KMT2A: variants seen among roughly 807,000 people sequenced by gnomAD.
KMT2A encodes the protein histone-lysine N-methyltransferase 2A.
A neutral mutation model predicts 345.3 loss-of-function variants in KMT2A; 16 were observed. The observed-to-expected ratio is 0.05, with a 90% confidence interval of 0.03 to 0.07. The LOEUF is 0.07. KMT2A is among the 10% of genes least tolerant of loss of function. The pLI is 1.00. For synonymous variants in KMT2A, 1,599 were observed against 1,778.6 expected, an observed-to-expected ratio of 0.90 and a Z score of 2.54; for missense variants, 3,272 against 4,841.6, an observed-to-expected ratio of 0.68 and a Z score of 9.62.
chr11:118,474,686 AACCAGGG>A (rs2134275079), intron 3 of KMT2A, among the ~76,000 whole-genome samples: 1 of 152,310 alleles, frequency 6.6e-6, no homozygotes, highest in Admixed American at 6.5e-5. Context: ...GATGTAATTA[AACCAGGG>A]ACTTAATTGT....
In KMT2A at chr11:118,495,815, A is replaced by G. The variant is rs782543327; in HGVS notation, c.5479A>G (p.Ile1827Val). ...GCAGCCTCCTTTAATGAAGAAAATC[A>G]TTCCAGCTCCCAAACCCAAAGGTCC... ...TEQPPLMKKI[I>V]PAPKPKGPGE... Residue 1827 changes from isoleucine to valine, a missense_variant, in exon 19 of 36, where the codon ATT becomes GTT. Around this residue, in one of 27 missense-constraint regions of KMT2A, gnomAD observed 235 missense variants for 503.4 expected, o/e 0.47. Transcript: ENST00000534358. This position sits in a 1 kb window ranked among gnomAD's most constrained non-coding sequence, Gnocchi z 4.1. 1 of 1,614,166 alleles carries G rather than the reference A, an allele frequency of 6.2e-7. No individual in the cohort carries two copies.
At chr11:118,458,474 G>T (rs1157652751) in intron 1 of KMT2A, among the ~76,000 whole-genome samples, 1 of 152,068 alleles carries the variant, frequency 6.6e-6, no homozygotes, top group Non-Finnish European at 1.5e-5. Context: ...ACCACAGTAG[G>T]TATTTAATGT....
chr11:118,455,677 T>A (rs1555030589), intron 1 of KMT2A, among the ~76,000 whole-genome samples: 1 of 148,960 alleles, frequency 6.7e-6, no homozygotes, highest in Non-Finnish European at 1.5e-5. Flanking sequence ...ATTATTTTTT[T>A]TTATTTTTAT....
chr11:118,447,060 C>T (rs535069551), intron 1 of KMT2A, among the ~76,000 whole-genome samples: 82 of 152,256 alleles, frequency 5.4e-4, no homozygotes, highest in Non-Finnish European at 1.1e-3. Context: ...TATTCGTCTC[C>T]CATGGTTCAA....
At chr11:118,439,158 C>CAAAAAAAAAAAAAAAAAAA in intron 1 of KMT2A, 2 of 265,448 alleles carry the variant, frequency 7.5e-6, no homozygotes, top group Non-Finnish European at 1.5e-5. Flanking sequence ...GATACAGCAG[C>CAAAAAAAAAAAAAAAAAAA]AAAAAAAAAA....
Position 118,522,426 on chromosome 11 carries a change from A to G in KMT2A, c.*254A>G. 1 of 461,814 alleles carries G rather than the reference A, an allele frequency of 2.2e-6. No homozygotes were observed. The highest frequency in any genetic ancestry group is 3.9e-6 in the Non-Finnish European group (1 of 253,486). 28.6% of individuals were successfully genotyped at this position (461,814 alleles called of 1,614,324 possible). On this transcript the variant is annotated 3_prime_UTR_variant, in exon 36 of 36. Transcript: ENST00000534358. This position sits in a 1 kb window ranked among gnomAD's most constrained non-coding sequence, Gnocchi z 5.4. Reference sequence around the variant, plus strand: ...GCCCCTCCAATTGTTTACTGTTAGAAAGTGGGAATGGGGTCCCTAGCAGAC... The same window carrying G: ...GCCCCTCCAATTGTTTACTGTTAGAGAGTGGGAATGGGGTCCCTAGCAGAC...
chr11:118,464,588 G>A (rs1555033677), intron 1 of KMT2A, among the ~76,000 whole-genome samples: 1 of 151,848 alleles, frequency 6.6e-6, no homozygotes, highest in Non-Finnish European at 1.5e-5. Flanking sequence ...TACCAAATGG[G>A]TGCCAAAACC....
chr11:118,478,100 G>A lies in KMT2A; in HGVS notation c.3468G>A (p.Gly1156=), dbSNP rs1291373632. The A allele has an allele frequency of 1.9e-6, 3 of 1,614,056 alleles. No homozygotes were observed. The African/African-American group carries it at 4.0e-5, about 22-fold the overall frequency. The part of the protein sequence containing the change: ...VKKGRRSRRC[G]QCPGCQVPED... ...AAGGACGTCGATCGAGGCGGTGTGGGCAGTGTCCCGGCTGCCAGGTGCCTG... is the reference window on the plus strand; with the variant it reads ...AAGGACGTCGATCGAGGCGGTGTGGACAGTGTCCCGGCTGCCAGGTGCCTG... The change falls in exon 5 of 36, where the codon GGG becomes GGA. Residue 1156 remains glycine, a synonymous_variant. Coordinates refer to ENST00000534358, the MANE Select transcript of KMT2A (RefSeq NM_001197104.2).
intron 1 of KMT2A, chr11:118,438,878 C>A: frequency 2.9e-6 from 1 of 340,542 alleles, no homozygotes; most frequent in Non-Finnish European, 5.9e-6. Flanking sequence ...TGCAGCGTCC[C>A]CTTTCCCTGC....
rs1950956300 is a variant in KMT2A, at chr11:118,521,041, G to A, written c.11513+156G>A. On this transcript the variant is annotated intron_variant, in intron 34 of 35. Transcript: ENST00000534358. This position sits in a 1 kb window ranked among gnomAD's most constrained non-coding sequence, Gnocchi z 5.3. ...ATATCCTGGGATCCTGCACCTCCTTGTGTTGAACAAGGACTTTAACATAAT... is the reference window on the plus strand; with the variant it reads ...ATATCCTGGGATCCTGCACCTCCTTATGTTGAACAAGGACTTTAACATAAT... 1 of 666,860 alleles carries A rather than the reference G, an allele frequency of 1.5e-6. No individual in the cohort carries two copies. The highest frequency in any genetic ancestry group is 2.6e-6 in the Non-Finnish European group (1 of 377,598). 41.3% of individuals were successfully genotyped at this position (666,860 alleles called of 1,614,324 possible).
chr11:118,485,445 G>T (rs1224369658), intron 10 of KMT2A, among the ~76,000 whole-genome samples: 1 of 152,118 alleles, frequency 6.6e-6, no homozygotes, highest in Non-Finnish European at 1.5e-5. Context: ...GCAGGGGGAG[G>T]TGAAGGGAGG....
chr11:118,466,268 T>G (rs1161803265), intron 1 of KMT2A, among the ~76,000 whole-genome samples: 2 of 152,094 alleles, frequency 1.3e-5, no homozygotes, highest in Non-Finnish European at 2.9e-5. Flanking sequence ...AGTTTGAGGC[T>G]GCAGTGAGCC....
At position 118,488,504 on chromosome 11, in the gene KMT2A, A is replaced by T. The variant is rs782751440; in HGVS notation, c.4333-110A>T. ...GCTTAATGAATATGTATTGAATTAAATATATGCCAGTGGACTACTAAAACC... is the reference window on the plus strand; with the variant it reads ...GCTTAATGAATATGTATTGAATTAATTATATGCCAGTGGACTACTAAAACC... On this transcript the variant is annotated intron_variant, in intron 10 of 35. Transcript: ENST00000534358. 5 of 1,034,520 alleles carry T rather than the reference A, an allele frequency of 4.8e-6. No homozygotes were observed. The East Asian group carries it at 9.5e-5, about 20-fold the overall frequency. The allele number at this position is 1,034,520 out of a possible 1,614,324, so 64.1% of individuals were successfully genotyped here.
intron 1 of KMT2A, among the ~76,000 whole-genome samples, chr11:118,437,210 C>T (rs764505268): frequency 1.9e-4 from 29 of 151,588 alleles, no homozygotes; most frequent in Admixed American, 5.9e-4. Flanking sequence ...TTGGCACAGA[C>T]CCCCTCGCCG....
chr11:118,471,212 AT>A (rs1949936967), intron 2 of KMT2A, among the ~76,000 whole-genome samples: 1 of 152,180 alleles, frequency 6.6e-6, no homozygotes, highest in South Asian at 2.1e-4. Flanking sequence ...GCGTATTCAA[AT>A]TTGTTCAAAG....
At position 118,493,117 on chromosome 11, in the gene KMT2A, C is replaced by T; in HGVS notation, c.5065C>T (p.Pro1689Ser). ...GGAGAGTATACCTTCCCGCAGCTCC[C>T]CCGAAGGACCTGATCCACCAGTTCT... ...TEESIPSRSS[P>S]EGPDPPVLTE... is the part of the protein sequence containing the mutation. Residue 1689 changes from proline (P) to serine (S), a missense_variant, in exon 16 of 36, where the codon CCC becomes TCC. Pro to Ser is a moderately conservative substitution (Grantham distance 74). Transcript: ENST00000534358. The surrounding 1 kb of genome is among the most constrained non-coding windows in gnomAD (Gnocchi z 5.8). The T allele has an allele frequency of 2.5e-6, 4 of 1,614,036 alleles. No homozygotes were observed. Among genetic ancestry groups the T allele is most frequent in the Non-Finnish European group, 3.4e-6 (4 of 1,179,950 alleles).
In KMT2A at chr11:118,520,179, A is replaced by G. The variant is rs1950927421; in HGVS notation, c.11429+115A>G. 1.4e-6 allele frequency: 1 copy of G among 695,182 alleles called. No homozygotes were observed. The highest frequency in any genetic ancestry group is 2.7e-5 in the East Asian group (1 of 36,996). 43.1% of individuals were successfully genotyped at this position (695,182 alleles called of 1,614,324 possible). On this transcript the variant is annotated intron_variant, in intron 33 of 35. Coordinates refer to ENST00000534358, the MANE Select transcript of KMT2A (RefSeq NM_001197104.2). This position sits in a 1 kb window ranked among gnomAD's most constrained non-coding sequence, Gnocchi z 4.3. Reference sequence around the variant, plus strand: ...AATTTCCTGGATAAGATTTAAAAGGACTGAAAACCATTTGTGTTGAAGTAG... The same window carrying G: ...AATTTCCTGGATAAGATTTAAAAGGGCTGAAAACCATTTGTGTTGAAGTAG...
chr11:118,518,323 CTT>C (rs1261974703), intron 31 of KMT2A, among the ~76,000 whole-genome samples: 1 of 152,032 alleles, frequency 6.6e-6, no homozygotes, highest in Admixed American at 6.5e-5. Flanking sequence ...TGCCAGCAGA[CTT>C]ATATAAATGT....
At chr11:118,501,651 A>T in intron 25 of KMT2A, 21 bp from the exon 26 acceptor site, 1 of 1,591,158 alleles carries the variant, frequency 6.3e-7, no homozygotes. Flanking sequence ...TTTAGTTAAG[A>T]GTTTTTATTT....
Sources: allele counts gnomAD v4.1 joint callset (sites outside exome capture counted in the v4.1 genomes callset), GRCh38; gene constraint gnomAD v4.1.1; regional missense constraint gnomAD v4.1.1; non-coding constraint Gnocchi (gnomAD v3.1); transcripts MANE v1.5; gene names NCBI Gene and HGNC (gene_info 2026-07-23, HGNC 2026-07-21).